The following CTNNA2 variants were observed in gnomAD, a reference collection of about 807,000 sequenced individuals.
CTNNA2 encodes the protein catenin alpha-2.
A neutral mutation model predicts 101.0 loss-of-function variants in CTNNA2; 42 were observed. The ratio of observed to expected loss-of-function variants is 0.42; its 90% CI spans 0.32 to 0.54. The LOEUF is 0.54. Among genes scored for constraint, CTNNA2 ranks in the 20% least tolerant of loss-of-function variants. The pLI is 0.14. For missense variants in CTNNA2, 871 were observed against 1,223.1 expected, an observed-to-expected ratio of 0.71 and a Z score of 4.29; for synonymous variants, 450 against 456.4, an observed-to-expected ratio of 0.99 and a Z score of 0.18.
At chr2:80,412,997 G>A (rs1265979451) in intron 8 of CTNNA2, among the ~76,000 whole-genome samples, 2 of 152,256 alleles carry the variant, frequency 1.3e-5, no homozygotes, top group East Asian at 3.9e-4. Context: ...AGGCACTACA[G>A]AGTTACATGG....
At chr2:79,931,752 G>A (rs1488168646) in intron 7 of CTNNA2, among the ~76,000 whole-genome samples, 1 of 152,054 alleles carries the variant, frequency 6.6e-6, no homozygotes, top group African/African-American at 2.4e-5. Context: ...AAAGGGGAGA[G>A]AGGCAGACAA....
Position 80,585,379 on chromosome 2 carries a change from C to A in CTNNA2, c.2007+3560C>A, listed in dbSNP as rs745701614. On this transcript the variant is annotated intron_variant, in intron 14 of 18. Coordinates refer to ENST00000402739, the MANE Select transcript of CTNNA2 (RefSeq NM_001282597.3). Reference sequence around the variant, plus strand: ...GGACTCTGGGGTAGGGGGAAGGAATCCTTTTGGATTAATATCTCTGATACC... The same window carrying A: ...GGACTCTGGGGTAGGGGGAAGGAATACTTTTGGATTAATATCTCTGATACC... Among the ~76,000 whole-genome samples the A allele has an allele frequency of 4.6e-5, 7 of 152,174 alleles. No individual in the cohort carries two copies. The East Asian group carries it at 1.2e-3, about 25-fold the overall frequency.
At chr2:79,997,169 A>G (rs908289932) in intron 7 of CTNNA2, among the ~76,000 whole-genome samples, 40 of 152,130 alleles carry the variant, frequency 2.6e-4, no homozygotes, top group African/African-American at 9.4e-4. Context: ...ACCCTGGTCT[A>G]AGACCACACT....
At chr2:80,344,437 A>C (rs776176260) in intron 7 of CTNNA2, among the ~76,000 whole-genome samples, 10 of 152,222 alleles carry the variant, frequency 6.6e-5, no homozygotes, top group Middle Eastern at 3.4e-3. Context: ...CCTATATCCA[A>C]CTACCTATGA....
intron 3 of CTNNA2, among the ~76,000 whole-genome samples, chr2:79,361,040 A>G (rs1677616252): frequency 6.6e-6 from 1 of 152,192 alleles, no homozygotes; most frequent in South Asian, 2.1e-4. Context: ...TGAGGAAGCC[A>G]CAAGCTCCTC....
chr2:80,208,762 G>A (rs1707696225), intron 7 of CTNNA2, among the ~76,000 whole-genome samples: 1 of 152,144 alleles, frequency 6.6e-6, no homozygotes, highest in South Asian at 2.1e-4. Context: ...TTGAATATCA[G>A]TATTTTCACC....
chr2:79,414,573 A>G (rs2104495497), intron 4 of CTNNA2, among the ~76,000 whole-genome samples: 1 of 152,248 alleles, frequency 6.6e-6, no homozygotes, highest in East Asian at 1.9e-4. Context: ...CGGATTCTCT[A>G]CAGATGCTCC....
chr2:80,475,770 T>C (rs1685681072), intron 9 of CTNNA2, among the ~76,000 whole-genome samples: 1 of 152,150 alleles, frequency 6.6e-6, no homozygotes, highest in African/African-American at 2.4e-5. Context: ...GTGTATCATA[T>C]AAGGCCTGTT....
intron 1 of CTNNA2, among the ~76,000 whole-genome samples, chr2:79,191,457 A>G (rs1673869231): frequency 6.6e-6 from 1 of 152,196 alleles, no homozygotes; most frequent in Non-Finnish European, 1.5e-5. Flanking sequence ...TATGTCATAC[A>G]GAACCCAGCC....
chr2:79,531,458 A>G (rs994776198), intron 1 of CTNNA2, among the ~76,000 whole-genome samples: 2 of 151,944 alleles, frequency 1.3e-5, no homozygotes, highest in Non-Finnish European at 2.9e-5. Context: ...ATGGTTTTGC[A>G]TTTATATACC....
At chr2:79,242,991 T>TACACACACACACACACAC (rs1456245339) in intron 2 of CTNNA2, among the ~76,000 whole-genome samples, 1 of 120,922 alleles carries the variant, frequency 8.3e-6, no homozygotes, top group Admixed American at 8.7e-5. Context: ...TATATATATA[T>TACACACACACACACACAC]ATACACACAC....
intron 12 of CTNNA2, among the ~76,000 whole-genome samples, chr2:80,563,465 T>TG (rs1336584713): frequency 6.6e-6 from 1 of 152,200 alleles, no homozygotes; most frequent in African/African-American, 2.4e-5. Flanking sequence ...CCGGAGGGCC[T>TG]GAAATAACAG....
intron 4 of CTNNA2, among the ~76,000 whole-genome samples, chr2:79,868,574 A>T (rs1314992769): frequency 2.6e-5 from 4 of 152,240 alleles, no homozygotes; most frequent in Admixed American, 6.5e-5. Flanking sequence ...AATATAATCT[A>T]TGGTTATTTT....
Position 80,217,799 on chromosome 2 carries a change from GA to G in CTNNA2, c.1057-175411del, listed in dbSNP as rs547963190. Among the ~76,000 whole-genome samples the G allele has an allele frequency of 2.4e-3, 358 of 152,318 alleles. 2 individuals carry two copies. The highest frequency in any genetic ancestry group is 8.0e-3 in the African/African-American group (333 of 41,574). On this transcript the variant is annotated intron_variant, in intron 7 of 18. Transcript: ENST00000402739. ...AGAGCCACTGTGGTTGAAATGGGGA[GA>G]GGGGTTCAGGGCTGGACCACTTGAT...
chr2:79,592,094 G>A (rs527801299), intron 1 of CTNNA2, among the ~76,000 whole-genome samples: 2 of 149,266 alleles, frequency 1.3e-5, no homozygotes, highest in East Asian at 4.0e-4. Flanking sequence ...CTTTGAAAGA[G>A]TGTGAAAAGA....
At chr2:79,190,966 A>G (rs1673861872) in intron 1 of CTNNA2, among the ~76,000 whole-genome samples, 1 of 152,148 alleles carries the variant, frequency 6.6e-6, no homozygotes, top group African/African-American at 2.4e-5. Context: ...TTGTTAGTTC[A>G]GCTTTCTCGC....
chr2:80,405,146 T>C (rs551532482), intron 8 of CTNNA2, among the ~76,000 whole-genome samples: 2 of 152,298 alleles, frequency 1.3e-5, no homozygotes, highest in East Asian at 3.9e-4. Flanking sequence ...TGTTTGTATC[T>C]GGTTATGTAT....
At chr2:79,269,744 A>G (rs1675037763) in intron 2 of CTNNA2, among the ~76,000 whole-genome samples, 2 of 151,906 alleles carry the variant, frequency 1.3e-5, no homozygotes, top group South Asian at 4.1e-4. Flanking sequence ...ACACATGATC[A>G]CTCTTATTGT....
intron 14 of CTNNA2, among the ~76,000 whole-genome samples, chr2:80,583,199 T>C (rs1695689744): frequency 6.6e-6 from 1 of 152,188 alleles, no homozygotes; most frequent in African/African-American, 2.4e-5. Context: ...ATTTAATTAC[T>C]TAATATTTGT....
Sources: allele counts gnomAD v4.1 joint callset (sites outside exome capture counted in the v4.1 genomes callset), GRCh38; gene constraint gnomAD v4.1.1; transcripts MANE v1.5; gene names NCBI Gene and HGNC (gene_info 2026-07-23, HGNC 2026-07-21).